The following PPP2R3A variants were observed in gnomAD, a reference collection of about 807,000 sequenced individuals.
The protein encoded by PPP2R3A is serine/threonine-protein phosphatase 2A regulatory subunit B'' subunit alpha.
A neutral mutation model predicts 106.9 loss-of-function variants in PPP2R3A; 80 were observed. The ratio of observed to expected loss-of-function variants is 0.75; its 90% CI spans 0.62 to 0.90. The LOEUF (loss-of-function observed/expected upper bound fraction) is 0.90, where lower values mean the gene tolerates loss of function less well. PPP2R3A is among the 40% of genes least tolerant of loss of function. The pLI, the probability that PPP2R3A is intolerant of heterozygous loss-of-function variation, is 0.00. For missense variants in PPP2R3A, 1,386 were observed against 1,350.4 expected, an observed-to-expected ratio of 1.03 and a Z score of -0.41; for synonymous variants, 483 against 468.3, an observed-to-expected ratio of 1.03 and a Z score of -0.41.
In PPP2R3A at chr3:135,992,390, A is replaced by G. The variant is rs72981436; in HGVS notation, c.-440-8669A>G. 7.5e-3 allele frequency among the ~76,000 whole-genome samples: 1,141 copies of G among 152,276 alleles called. 12 individuals carry two copies. Among genetic ancestry groups the G allele is most frequent in the African/African-American group, 0.026 (1,101 of 41,564 alleles). On this transcript the variant is annotated intron_variant, in intron 1 of 13. Transcript: ENST00000264977. ...TCCACCTAAGTGGCATGGACATTCA[A>G]TCAACTCTGTCTTTTCTTTATGATT...
Position 136,140,021 on chromosome 3 carries a change from AAAG to A in PPP2R3A, c.3330-5019_3330-5017del, listed in dbSNP as rs1385678017. Among the ~76,000 whole-genome samples, 121 of 151,952 alleles carry A rather than the reference AAAG, an allele frequency of 8.0e-4. No homozygotes were observed. In the South Asian group the frequency reaches 0.011, roughly 14 times the overall value. On this transcript the variant is annotated intron_variant, in intron 13 of 13. Transcript: ENST00000264977. ...ACTCTGTCTCAAAAAAAAAAAAAAAAAAGAATATGTTCTCAATTTGATACCTAT... is the reference window on the plus strand; with the variant it reads ...ACTCTGTCTCAAAAAAAAAAAAAAAAAATATGTTCTCAATTTGATACCTAT...
At chr3:136,117,698 A>G (rs1576323856) in intron 13 of PPP2R3A, among the ~76,000 whole-genome samples, 1 of 152,338 alleles carries the variant, frequency 6.6e-6, no homozygotes, top group East Asian at 1.9e-4. Flanking sequence ...GAATCCCTGA[A>G]TAGACCAATA....
At chr3:136,089,778 T>G (rs9834966) in intron 9 of PPP2R3A, among the ~76,000 whole-genome samples, 29,806 of 152,030 alleles carry the variant, frequency 0.2, 3,420 homozygotes, top group Non-Finnish European at 0.27. Flanking sequence ...TCTGATTTCT[T>G]TCAGCAGAGT....
intron 4 of PPP2R3A, among the ~76,000 whole-genome samples, chr3:136,041,987 C>T (rs1438517094): frequency 6.6e-6 from 1 of 152,140 alleles, no homozygotes; most frequent in Non-Finnish European, 1.5e-5. Flanking sequence ...ATGTTCTTCT[C>T]GCCTTTTCTG....
chr3:136,010,153 C>T (rs548528194), intron 2 of PPP2R3A, among the ~76,000 whole-genome samples: 22 of 152,214 alleles, frequency 1.4e-4, no homozygotes, highest in African/African-American at 4.6e-4. Flanking sequence ...GACCTTTATC[C>T]ATCTCCTACC....
chr3:136,143,135 G>A (rs1197555807), intron 13 of PPP2R3A, among the ~76,000 whole-genome samples: 2 of 152,172 alleles, frequency 1.3e-5, no homozygotes, highest in Non-Finnish European at 2.9e-5. Flanking sequence ...GTAGTCATAG[G>A]GAACAATTTT....
chr3:136,116,543 G>A (rs1937768784), intron 13 of PPP2R3A, among the ~76,000 whole-genome samples: 2 of 152,150 alleles, frequency 1.3e-5, no homozygotes, highest in South Asian at 4.1e-4. Context: ...AAGGATGGAG[G>A]AATATTTACC....
chr3:136,131,810 C>T (rs930595744), intron 13 of PPP2R3A, among the ~76,000 whole-genome samples: 1 of 152,180 alleles, frequency 6.6e-6, no homozygotes, highest in Non-Finnish European at 1.5e-5. Flanking sequence ...GGTACATATA[C>T]ACCATGGAAT....
intron 13 of PPP2R3A, among the ~76,000 whole-genome samples, chr3:136,137,707 AATTTTTTGTATTTTTAGTAGAG>A (rs1369428996): frequency 2.3e-4 from 35 of 151,800 alleles, no homozygotes; most frequent in Admixed American, 3.9e-4. Context: ...ACACCCGGCT[AATTTTTTGTATTTTTAGTAGAG>A]ACGGGGTTTC....
Position 136,018,193 on chromosome 3 carries a change from G to C in PPP2R3A, c.1996-8639G>C, listed in dbSNP as rs558482805. Among the ~76,000 whole-genome samples the C allele has an allele frequency of 1.4e-3, 212 of 152,334 alleles. 2 individuals carry two copies. The highest frequency in any genetic ancestry group is 2.5e-3 in the Non-Finnish European group (169 of 68,034). On this transcript the variant is annotated intron_variant, in intron 2 of 13. Transcript: ENST00000264977. ...GATGTGGGAGAATAGTTTGAGCCAG[G>C]GAGGTGGAGGTTGCAGTGAGCCAAG...
intron 13 of PPP2R3A, among the ~76,000 whole-genome samples, chr3:136,131,501 C>T (rs1576335006): frequency 6.6e-6 from 1 of 152,060 alleles, no homozygotes; most frequent in Non-Finnish European, 1.5e-5. Flanking sequence ...ATCATTAAAA[C>T]GTCAGGAAAC....
At chr3:136,054,548 C>T (rs917457628) in intron 5 of PPP2R3A, among the ~76,000 whole-genome samples, 7 of 152,094 alleles carry the variant, frequency 4.6e-5, no homozygotes, top group Admixed American at 2.6e-4. Flanking sequence ...TGAGCCACCG[C>T]GTCCAGCCTA....
rs1448291789 is a variant in PPP2R3A at position 136,147,755 on chromosome 3, CCATT to C, written c.*2592_*2595del. The C allele has an allele frequency of 5.9e-5, 9 of 152,108 alleles. No homozygotes were observed. Among genetic ancestry groups the C allele is most frequent in the Non-Finnish European group, 1.0e-4 (7 of 68,032 alleles). 9.4% of individuals were successfully genotyped at this position (152,108 alleles called of 1,614,324 possible). A position where few individuals can be genotyped will look rare whatever the true frequency, so the allele number is the denominator to read the frequency against. On this transcript the variant is annotated 3_prime_UTR_variant, in exon 14 of 14. Coordinates refer to ENST00000264977, the MANE Select transcript of PPP2R3A (RefSeq NM_002718.5). Reference sequence around the variant, plus strand: ...CTTCCCTGCATCTTGTCACTGTGTACCATTCAAAGTGTTTATAAAACTCTAGATT... The same window carrying C: ...CTTCCCTGCATCTTGTCACTGTGTACCAAAGTGTTTATAAAACTCTAGATT...
intron 5 of PPP2R3A, among the ~76,000 whole-genome samples, chr3:136,064,256 G>A (rs1418852172): frequency 1.6e-5 from 2 of 128,550 alleles, no homozygotes; most frequent in Admixed American, 1.8e-4. Flanking sequence ...ATCACACTCT[G>A]GGGACTGTTG....
chr3:136,001,607 A>G lies in PPP2R3A; in HGVS notation c.109A>G (p.Thr37Ala). The G allele has an allele frequency of 1.2e-6, 2 of 1,614,174 alleles. No individual in the cohort carries two copies. Among genetic ancestry groups the G allele is most frequent in the Non-Finnish European group, 1.7e-6 (2 of 1,180,010 alleles). The change falls in exon 2 of 14, where the codon ACC becomes GCC. Residue 37 changes from threonine to alanine, a missense_variant. Transcript: ENST00000264977. The part of the protein sequence containing the change: ...AIHYCTGTCH[T>A]FTHGIDCIVV... ...ACATTATTGCACTGGAACCTGCCAC[A>G]CCTTCACACATGGAATTGACTGCAT...
rs1939122987 is a variant in PPP2R3A at position 136,146,295 on chromosome 3, T to C, written c.*1129T>C. ...TCCTATAATATCCTTGAAAAGAAACTATTAAAAAGGATAGACATTTCTGAT... is the reference window on the plus strand; with the variant it reads ...TCCTATAATATCCTTGAAAAGAAACCATTAAAAAGGATAGACATTTCTGAT... On this transcript the variant is annotated 3_prime_UTR_variant, in exon 14 of 14. Coordinates refer to ENST00000264977, the MANE Select transcript of PPP2R3A (RefSeq NM_002718.5). 1 of 152,198 alleles carries C rather than the reference T, an allele frequency of 6.6e-6. No individual in the cohort carries two copies. Among genetic ancestry groups the C allele is most frequent in the South Asian group, 2.1e-4 (1 of 4,836 alleles). The allele number at this position is 152,198 out of a possible 1,614,324, so 9.4% of individuals were successfully genotyped here.
At chr3:136,077,741 C>T (rs1936643930) in intron 6 of PPP2R3A, among the ~76,000 whole-genome samples, 1 of 152,148 alleles carries the variant, frequency 6.6e-6, no homozygotes, top group African/African-American at 2.4e-5. Context: ...TTCTTATCTC[C>T]TCTTCTCCCA....
intron 4 of PPP2R3A, among the ~76,000 whole-genome samples, chr3:136,041,263 T>TTTTTTTTTTTTTG (rs1935274567): frequency 1.3e-5 from 1 of 75,392 alleles, no homozygotes; most frequent in African/African-American, 4.3e-5. Flanking sequence ...TTTTTTTTTG[T>TTTTTTTTTTTTTG]TTTTTTTTTT....
chr3:136,066,597 G>A (rs895770006), intron 5 of PPP2R3A, among the ~76,000 whole-genome samples: 1 of 152,126 alleles, frequency 6.6e-6, no homozygotes, highest in South Asian at 2.1e-4. Flanking sequence ...CTTGGCCTAC[G>A]GTGAAGCCTC....
Sources: gnomAD v4.1 joint callset for allele counts (sites outside exome capture counted in the v4.1 genomes callset) on GRCh38, gnomAD v4.1.1 for gene constraint, MANE v1.5 for transcripts, NCBI Gene and HGNC (gene_info 2026-07-23, HGNC 2026-07-21) for gene names.